Variants in ST6GALNAC6 observed in about 807,000 individuals in gnomAD.
The protein encoded by ST6GALNAC6 is ST6 N-acetylgalactosaminide alpha-2,6-sialyltransferase 6.
Under a neutral mutation model 34.3 loss-of-function variants are expected in ST6GALNAC6, and 19 were observed. The observed-to-expected ratio is 0.55, with a 90% CI of 0.39 to 0.81. The LOEUF is 0.81. ST6GALNAC6 is among the 40% of genes least tolerant of loss of function. The pLI is 0.00. For synonymous variants in ST6GALNAC6, 185 were observed against 182.1 expected (o/e 1.02, Z -0.13); for missense variants, 377 against 467.7 (o/e 0.81, Z 1.79).
At chr9:127,898,854 G>A (rs1830623351) in intron 1 of ST6GALNAC6, among the ~76,000 whole-genome samples, 1 of 152,236 alleles carries the variant, frequency 6.6e-6, no homozygotes, top group African/African-American at 2.4e-5. Context: ...GCACCAGGGC[G>A]GGGGTCTAGG....
chr9:127,896,582 A>T (rs1830468228), intron 2 of ST6GALNAC6, among the ~76,000 whole-genome samples: 1 of 152,228 alleles, frequency 6.6e-6, no homozygotes, highest in Admixed American at 6.5e-5. Context: ...ACACCAAGGC[A>T]GCTGGCAGGG....
exon 1 of ST6GALNAC6, chr9:127,905,267 G>A (rs933743127): frequency 2.0e-6 from 2 of 985,454 alleles, no homozygotes; most frequent in African/African-American, 1.7e-5. Flanking sequence ...TCCTGATCAA[G>A]ACAGCCTTCA....
At chr9:127,897,925 T>G in intron 2 of ST6GALNAC6, 31 bp downstream of exon 2, 1 of 1,613,588 alleles carries the variant, frequency 6.2e-7, no homozygotes, top group South Asian at 1.1e-5. Flanking sequence ...GCATGTCAGC[T>G]GCCAGTGCGA....
At position 127,890,521 on chromosome 9, in the gene ST6GALNAC6, G is replaced by A. The variant is rs2281897; in HGVS notation, c.704+116C>T. 0.91 allele frequency: 1,314,949 copies of A among 1,452,194 alleles called. 598,299 individuals carry two copies. The highest frequency in any genetic ancestry group is 0.93 in the Admixed American group (45,141 of 48,722). 90.0% of individuals were successfully genotyped at this position (1,452,194 alleles called of 1,614,324 possible). A position where few individuals can be genotyped will look rare whatever the true frequency, so the allele number is the denominator to read the frequency against. On this transcript the variant is annotated intron_variant, in intron 5 of 6. Transcript: ENST00000373146. This position sits in a 1 kb window ranked among gnomAD's most constrained non-coding sequence, Gnocchi z 4.3. ...CTCCTAGGAGGCCCAACCAGAGGAC[G>A]GCGGGACTTGACTACCCCTCAGAGC...
At chr9:127,897,781 C>T in intron 2 of ST6GALNAC6, 175 bp downstream of exon 2, 1 of 1,462,408 alleles carries the variant, frequency 6.8e-7, no homozygotes, top group Non-Finnish European at 9.1e-7. Flanking sequence ...TACGCGTGGC[C>T]ACCCTTTCCT....
At chr9:127,901,005 A>AAAAAAAAAAAC (rs1310341241), upstream of ST6GALNAC6, among the ~76,000 whole-genome samples, 1 of 150,864 alleles carries the variant, frequency 6.6e-6, no homozygotes, top group African/African-American at 2.4e-5. Context: ...AAAAAAAAAA[A>AAAAAAAAAAAC]AAAAAAAAAA....
upstream of ST6GALNAC6, chr9:127,899,671 G>A (rs757116413): frequency 7.2e-5 from 71 of 984,128 alleles, no homozygotes; most frequent in Non-Finnish European, 8.1e-5. Flanking sequence ...GGAGGTGGGC[G>A]GAGCCTCGGG....
At chr9:127,893,565 C>T (rs964956890) in intron 4 of ST6GALNAC6, among the ~76,000 whole-genome samples, 2 of 152,198 alleles carry the variant, frequency 1.3e-5, no homozygotes, top group African/African-American at 2.4e-5. Context: ...CAACACATCC[C>T]ACGTACCTCG....
At chr9:127,887,893 T>G (rs1052513727) in intron 5 of ST6GALNAC6, among the ~76,000 whole-genome samples, 1 of 152,198 alleles carries the variant, frequency 6.6e-6, no homozygotes, top group Non-Finnish European at 1.5e-5. Flanking sequence ...TGAGTGACTA[T>G]GATTGCAGAG....
rs951229589 is a variant in ST6GALNAC6, at chr9:127,897,858, C to A, written c.26+98G>T. On this transcript the variant is annotated intron_variant, in intron 2 of 6. Transcript: ENST00000373146. The stretch of plus-strand genomic sequence containing the variant: ...CGAGCTGTGCCCTCAGCCAGGACCA[C>A]CGTCCCCCTGGTCCGCCCCGTCACA... 54 of 1,595,494 alleles carry A rather than the reference C, an allele frequency of 3.4e-5. No individual in the cohort carries two copies. The Middle Eastern group carries it at 1.7e-3, about 49-fold the overall frequency.
At chr9:127,895,849 C>T (rs1384931089) in intron 3 of ST6GALNAC6, among the ~76,000 whole-genome samples, 2 of 152,144 alleles carry the variant, frequency 1.3e-5, no homozygotes, top group Non-Finnish European at 2.9e-5. Context: ...ATGGGGAATC[C>T]TGACATTCTC....
intron 5 of ST6GALNAC6, among the ~76,000 whole-genome samples, chr9:127,888,806 AAAACAAAC>A (rs59403833): frequency 0.014 from 2,144 of 148,792 alleles, 42 homozygotes; most frequent in African/African-American, 0.047. Context: ...ACTCCATCTC[AAAACAAAC>A]AAACAAACAA....
intron 1 of ST6GALNAC6, among the ~76,000 whole-genome samples, chr9:127,898,695 C>T (rs531412428): frequency 2.0e-5 from 3 of 152,380 alleles, no homozygotes; most frequent in Non-Finnish European, 1.5e-5. Context: ...AGGCAAAGCG[C>T]CTTGCGGGGC....
chr9:127,897,501 C>T, intron 2 of ST6GALNAC6: 1 of 919,404 alleles, frequency 1.1e-6, no homozygotes, highest in Non-Finnish European at 1.3e-6. Context: ...CCGCCCCCTC[C>T]CCGTGGGAGC....
chr9:127,897,028 G>T, intron 2 of ST6GALNAC6: 1 of 905,080 alleles, frequency 1.1e-6, no homozygotes, highest in Non-Finnish European at 1.3e-6. Context: ...AGGCTCGACA[G>T]TCTCTGCCAG....
At chr9:127,899,108 G>A (rs866122552) in intron 1 of ST6GALNAC6, among the ~76,000 whole-genome samples, 2 of 152,186 alleles carry the variant, frequency 1.3e-5, no homozygotes, top group African/African-American at 4.8e-5. Context: ...GAAGGGGGAG[G>A]GGGGCTCCTA....
chr9:127,902,070 C>A (rs1830776984), upstream of ST6GALNAC6, among the ~76,000 whole-genome samples: 1 of 152,172 alleles, frequency 6.6e-6, no homozygotes, highest in South Asian at 2.1e-4. Context: ...TTATCACTTT[C>A]AAATATGACA....
chr9:127,906,381 G>A (rs563195366), upstream of ST6GALNAC6, among the ~76,000 whole-genome samples: 3 of 152,026 alleles, frequency 2.0e-5, no homozygotes, highest in Admixed American at 6.5e-5. Flanking sequence ...CTGACAGCCC[G>A]AGGCCCTGGC....
chr9:127,905,846 G>T, upstream of ST6GALNAC6: 1 of 737,042 alleles, frequency 1.4e-6, no homozygotes, highest in Non-Finnish European at 1.7e-6. Context: ...AGTGGGGCCA[G>T]AAAGAAGTCA....
Sources: allele counts gnomAD v4.1 joint callset (sites outside exome capture counted in the v4.1 genomes callset), GRCh38; gene constraint gnomAD v4.1.1; non-coding constraint Gnocchi (gnomAD v3.1); transcripts MANE v1.5; gene names NCBI Gene and HGNC (gene_info 2026-07-23, HGNC 2026-07-21).